The following PARD3B variants were observed in gnomAD, a reference collection of about 807,000 sequenced individuals.
PARD3B encodes par-3 family cell polarity regulator beta.
PARD3B carries 103 observed loss-of-function variants against 130.2 expected under a neutral mutation model. The ratio of observed to expected loss-of-function variants is 0.79; its 90% CI spans 0.67 to 0.93. PARD3B has a LOEUF of 0.93. Ranked by LOEUF, PARD3B falls within the 40% of genes least tolerant of loss-of-function variation. The pLI is 0.00. For missense variants in PARD3B, 1,609 were observed against 1,499.2 expected (o/e 1.07, Z -1.21); for synonymous variants, 583 against 553.2 (o/e 1.05, Z -0.76).
intron 1 of PARD3B, among the ~76,000 whole-genome samples, chr2:204,654,230 G>A (rs932539761): frequency 2.6e-5 from 4 of 151,100 alleles, no homozygotes; most frequent in Non-Finnish European, 5.9e-5. Flanking sequence ...TTTCATATAA[G>A]GAAGGCAAGA....
At chr2:205,529,434 C>T (rs2051481732) in intron 21 of PARD3B, among the ~76,000 whole-genome samples, 2 of 152,104 alleles carry the variant, frequency 1.3e-5, no homozygotes, top group Non-Finnish European at 2.9e-5. Context: ...GCCACCATTT[C>T]ACTCATTTTT....
chr2:205,311,507 C>T (rs1032650324), intron 18 of PARD3B, among the ~76,000 whole-genome samples: 5 of 152,192 alleles, frequency 3.3e-5, no homozygotes, highest in Non-Finnish European at 5.9e-5. Context: ...TCTTCCCCCT[C>T]TGGCTCCACT....
intron 4 of PARD3B, among the ~76,000 whole-genome samples, chr2:205,070,388 T>C (rs539996722): frequency 6.6e-6 from 1 of 152,084 alleles, no homozygotes; most frequent in South Asian, 2.1e-4. Flanking sequence ...ACACTGCATC[T>C]AGTTGCTATG....
intron 22 of PARD3B, among the ~76,000 whole-genome samples, chr2:205,593,790 G>C (rs13397766): frequency 0.21 from 32,095 of 152,032 alleles, 3,967 homozygotes; most frequent in African/African-American, 0.35. Flanking sequence ...TCTGCATAAT[G>C]CTGTCAATAG....
In PARD3B at chr2:205,598,363, C is replaced by CA. The variant is rs376055421; in HGVS notation, c.3261-17082dup. 8.1e-3 allele frequency among the ~76,000 whole-genome samples: 1,038 copies of CA among 127,916 alleles called. 12 individuals carry two copies. Among genetic ancestry groups the CA allele is most frequent in the African/African-American group, 0.025 (882 of 34,658 alleles). The allele number at this position is 127,916 out of a possible 152,430, so 83.9% of individuals were successfully genotyped here. A position where few individuals can be genotyped will look rare whatever the true frequency, so the allele number is the denominator to read the frequency against. On this transcript the variant is annotated intron_variant, in intron 22 of 22. Transcript: ENST00000406610. Reference sequence around the variant, plus strand: ...TTGAATGAACAACCATCAGAAAGGACAAAAAAAAAAAGCATTCCATAATGA... The same window carrying CA: ...TTGAATGAACAACCATCAGAAAGGACAAAAAAAAAAAAGCATTCCATAATGA...
chr2:205,168,675 T>TC (rs1168272000), intron 11 of PARD3B, among the ~76,000 whole-genome samples: 10 of 150,984 alleles, frequency 6.6e-5, no homozygotes, highest in African/African-American at 2.2e-4. Context: ...TTTTTTTTTT[T>TC]CCCTCCTCTG....
chr2:205,120,645 T>G (rs1304120510), intron 7 of PARD3B, among the ~76,000 whole-genome samples: 3 of 152,214 alleles, frequency 2.0e-5, no homozygotes, highest in African/African-American at 7.2e-5. Flanking sequence ...GTCAGGCAGC[T>G]TCCGTTTTCT....
At position 205,279,070 on chromosome 2, in the gene PARD3B, C is replaced by CAAAAAAAAAAAA. The variant is rs57717513; in HGVS notation, c.2186-21445_2186-21434dup. Among the ~76,000 whole-genome samples, 3 of 38,868 alleles carry CAAAAAAAAAAAA rather than the reference C, an allele frequency of 7.7e-5. 1 individual carries two copies. The highest frequency in any genetic ancestry group is 1.3e-4 in the Non-Finnish European group (3 of 22,618). The allele number at this position is 38,868 out of a possible 152,430, so 25.5% of individuals were successfully genotyped here. On this transcript the variant is annotated intron_variant, in intron 16 of 22. Coordinates refer to ENST00000406610, the MANE Select transcript of PARD3B (RefSeq NM_001302769.2). ...TGGATGACAGAGCAAGAATCTGTCTCAAAAAAAAAAAAAAAAAAAAAAAAA... is the reference window on the plus strand; with the variant it reads ...TGGATGACAGAGCAAGAATCTGTCTCAAAAAAAAAAAAAAAAAAAAAAAAAAAAAAAAAAAAA...
chr2:204,821,627 G>A (rs1575068478), intron 2 of PARD3B, among the ~76,000 whole-genome samples: 1 of 151,244 alleles, frequency 6.6e-6, no homozygotes, highest in Admixed American at 6.6e-5. Context: ...ACACTAGCAT[G>A]GCACATGTAT....
In PARD3B at chr2:205,525,073, T is replaced by C. The variant is rs993008723; in HGVS notation, c.3180+25042T>C. Among the ~76,000 whole-genome samples, 5 of 152,122 alleles carry C rather than the reference T, an allele frequency of 3.3e-5. No homozygotes were observed. Among genetic ancestry groups the C allele is most frequent in the African/African-American group, 1.2e-4 (5 of 41,406 alleles). On this transcript the variant is annotated intron_variant, in intron 21 of 22. Coordinates refer to ENST00000406610, the MANE Select transcript of PARD3B (RefSeq NM_001302769.2). The surrounding 1 kb of genome is among the most constrained non-coding windows in gnomAD (Gnocchi z 4.2). ...TGAACCATGGCAAGAACCAGGACAG[T>C]TTTATTGCCTCACAAAGGCTATTTT...
chr2:205,478,128 T>C (rs2049090344), intron 20 of PARD3B, among the ~76,000 whole-genome samples: 1 of 152,220 alleles, frequency 6.6e-6, no homozygotes, highest in Non-Finnish European at 1.5e-5. Flanking sequence ...AAAGTATTAA[T>C]TCACGTGCAA....
chr2:204,998,165 T>C (rs1392856134), intron 3 of PARD3B, among the ~76,000 whole-genome samples: 3 of 148,956 alleles, frequency 2.0e-5, no homozygotes, highest in Non-Finnish European at 3.0e-5. Context: ...CACCAGGGCC[T>C]GTCATGGGGT....
intron 11 of PARD3B, 43 bp from the exon 12 acceptor site, chr2:205,172,163 CACCAT>C (rs1284286913): frequency 1.3e-6 from 2 of 1,578,852 alleles, no homozygotes; most frequent in South Asian, 2.3e-5. Flanking sequence ...CACATGTCAT[CACCAT>C]ACTTTTCTCT....
chr2:205,604,434 C>G (rs1050430408), intron 22 of PARD3B, among the ~76,000 whole-genome samples: 1 of 152,178 alleles, frequency 6.6e-6, no homozygotes, highest in Non-Finnish European at 1.5e-5. Context: ...TATTCACTAT[C>G]ATGAGAACAG....
At chr2:204,829,649 C>T (rs1399828621) in intron 2 of PARD3B, among the ~76,000 whole-genome samples, 1 of 152,106 alleles carries the variant, frequency 6.6e-6, no homozygotes, top group East Asian at 1.9e-4. Flanking sequence ...GGGTGGATTT[C>T]TCCCTTGCTG....
chr2:205,155,930 A>G (rs1026942540), intron 10 of PARD3B, among the ~76,000 whole-genome samples: 2 of 152,252 alleles, frequency 1.3e-5, no homozygotes, highest in South Asian at 2.1e-4. Flanking sequence ...CCAAAGGACT[A>G]TAAATCATGC....
intron 21 of PARD3B, among the ~76,000 whole-genome samples, chr2:205,503,622 G>T (rs1041251430): frequency 4.5e-4 from 69 of 152,086 alleles, no homozygotes; most frequent in Non-Finnish European, 5.9e-4. Context: ...CTCCAGCTTT[G>T]TTCTTTTGTC....
At chr2:205,056,171 A>T (rs895999145) in intron 4 of PARD3B, among the ~76,000 whole-genome samples, 37 of 151,930 alleles carry the variant, frequency 2.4e-4, no homozygotes, top group Non-Finnish European at 4.4e-4. Context: ...TTCTTTGAGC[A>T]TGGTGTGATT....
At chr2:204,552,424 G>C (rs1391552562) in intron 1 of PARD3B, among the ~76,000 whole-genome samples, 1 of 152,148 alleles carries the variant, frequency 6.6e-6, no homozygotes, top group Non-Finnish European at 1.5e-5. Flanking sequence ...AGAAGGAGCA[G>C]TGAACAAAAA....
Sources: gnomAD v4.1 joint callset for allele counts (sites outside exome capture counted in the v4.1 genomes callset) on GRCh38, gnomAD v4.1.1 for gene constraint, Gnocchi (gnomAD v3.1) non-coding constraint, MANE v1.5 for transcripts, NCBI Gene and HGNC (gene_info 2026-07-23, HGNC 2026-07-21) for gene names.